NPHP1: variants seen among roughly 807,000 people sequenced by gnomAD.
The protein encoded by NPHP1 is nephrocystin 1, also known as nephrocystin-1.
NPHP1 carries 70 observed loss-of-function variants against 90.4 expected under a neutral mutation model. The observed-to-expected ratio is 0.77, with a 90% CI of 0.64 to 0.95. The LOEUF (loss-of-function observed/expected upper bound fraction) is 0.95. Ranked by LOEUF, NPHP1 falls within the 40% of genes least tolerant of loss-of-function variation. The probability of loss-of-function intolerance (pLI) is 0.00; values close to 1 mark genes in which losing one functional copy is unlikely to be tolerated. For missense variants in NPHP1, 764 were observed against 795.9 expected, an observed-to-expected ratio of 0.96 and a Z score of 0.48; for synonymous variants, 256 against 271.7, an observed-to-expected ratio of 0.94 and a Z score of 0.57.
intron 11 of NPHP1, among the ~76,000 whole-genome samples, chr2:110,153,553 A>G (rs547101322): frequency 1.1e-3 from 171 of 152,320 alleles, no homozygotes; most frequent in Admixed American, 2.9e-3. Context: ...CATCACTCCA[A>G]CTGGAATGTT....
intron 9 of NPHP1, among the ~76,000 whole-genome samples, chr2:110,161,904 T>A (rs1461914462): frequency 6.6e-6 from 1 of 152,078 alleles, no homozygotes; most frequent in Non-Finnish European, 1.5e-5. Context: ...ACATAAAAGA[T>A]CATCTTAAAG....
chr2:110,148,001 A>C lies in NPHP1; in HGVS notation c.1184T>G (p.Leu395Arg). The change falls in exon 13 of 20, where the codon CTT becomes CGT. Residue 395 changes from leucine (L) to arginine (R), a missense_variant. Physicochemically the swap from Leu to Arg is moderately radical, Grantham distance 102. Coordinates refer to ENST00000445609, the MANE Select transcript of NPHP1 (RefSeq NM_001128178.3). ...PQVTRILPCLLDGDCFIRSNS... is the reference protein window; with the variant it reads ...PQVTRILPCLRDGDCFIRSNS... ...AGACCTGATAAAGCAATCACCATCA[A>C]GCAAACATGGTAAGATGCGAGTAAC... The C allele has an allele frequency of 6.8e-6, 11 of 1,608,592 alleles. No homozygotes were observed. The highest frequency in any genetic ancestry group is 8.5e-6 in the Non-Finnish European group (10 of 1,174,876).
chr2:110,161,209 A>G (rs1682296095), intron 10 of NPHP1, among the ~76,000 whole-genome samples: 1 of 152,148 alleles, frequency 6.6e-6, no homozygotes, highest in Non-Finnish European at 1.5e-5. Flanking sequence ...AATGATAATA[A>G]TGGCTAACAT....
intron 16 of NPHP1, among the ~76,000 whole-genome samples, chr2:110,140,098 C>T (rs908945942): frequency 4.6e-5 from 7 of 151,878 alleles, no homozygotes; most frequent in African/African-American, 9.7e-5. Context: ...GGTTTCTGTG[C>T]GAGCCAGCCT....
chr2:110,135,788 T>C (rs1022149247), intron 16 of NPHP1, among the ~76,000 whole-genome samples: 2 of 152,200 alleles, frequency 1.3e-5, no homozygotes, highest in Non-Finnish European at 2.9e-5. Flanking sequence ...TTACTTTTTG[T>C]AAATTAATCC....
intron 8 of NPHP1, chr2:110,163,692 ACT>A: frequency 6.3e-6 from 1 of 158,992 alleles, no homozygotes; most frequent in South Asian, 1.8e-4. Flanking sequence ...ACGGAGTCTC[ACT>A]CTGTCGCCCA....
intron 2 of NPHP1, among the ~76,000 whole-genome samples, chr2:110,188,012 A>C (rs1559098291): frequency 6.6e-6 from 1 of 152,208 alleles, no homozygotes; most frequent in Non-Finnish European, 1.5e-5. Context: ...GAAGGAATAT[A>C]CCTCAAAATA....
At chr2:110,177,037 A>G (rs1299915514) in intron 4 of NPHP1, among the ~76,000 whole-genome samples, 4 of 152,142 alleles carry the variant, frequency 2.6e-5, no homozygotes, top group Admixed American at 2.0e-4. Flanking sequence ...TCAGTCGAGT[A>G]AGACTACTAT....
intron 2 of NPHP1, among the ~76,000 whole-genome samples, chr2:110,195,488 C>T (rs9807986): frequency 0.077 from 11,727 of 152,098 alleles, 676 homozygotes; most frequent in African/African-American, 0.17. Flanking sequence ...CAAACCACTG[C>T]TCAATGAAAT....
intron 17 of NPHP1, among the ~76,000 whole-genome samples, chr2:110,131,466 T>G (rs913945453): frequency 5.9e-5 from 9 of 152,176 alleles, no homozygotes; most frequent in African/African-American, 2.2e-4. Context: ...TGAAAATACA[T>G]ATGTTTGAAA....
Position 110,163,063 on chromosome 2 carries a change from G to GT in NPHP1, c.843dup (p.Gln282ThrfsTer39), listed in dbSNP as rs1682462329. The GT allele has an allele frequency of 1.2e-6, 2 of 1,612,400 alleles. No individual in the cohort carries two copies. The highest frequency in any genetic ancestry group is 1.3e-5 in the African/African-American group (1 of 74,878). On this transcript the variant is annotated frameshift_variant, in exon 9 of 20. Coordinates refer to ENST00000445609, the MANE Select transcript of NPHP1 (RefSeq NM_001128178.3). LOFTEE classifies it high-confidence loss of function. ...CACGCATTACCTTCCTCCAGAAGCTGTGAGAGCGTGGAAGGCCTGAACCCT... is the reference window on the plus strand; with the variant it reads ...CACGCATTACCTTCCTCCAGAAGCTGTTGAGAGCGTGGAAGGCCTGAACCCT...
intron 11 of NPHP1, among the ~76,000 whole-genome samples, chr2:110,158,171 T>C (rs1682046107): frequency 6.6e-6 from 1 of 152,158 alleles, no homozygotes; most frequent in Admixed American, 6.5e-5. Flanking sequence ...CCATATATTA[T>C]ATGATTCCAA....
chr2:110,178,127 T>C (rs991391458), intron 4 of NPHP1: 8 of 461,632 alleles, frequency 1.7e-5, no homozygotes, highest in African/African-American at 8.0e-5. Context: ...CACATCAACA[T>C]TGACATTAAA....
chr2:110,135,880 A>G (rs1480407060), intron 16 of NPHP1, among the ~76,000 whole-genome samples: 1 of 152,210 alleles, frequency 6.6e-6, no homozygotes, highest in African/African-American at 2.4e-5. Flanking sequence ...CTGTTGGAAG[A>G]GAACAGGATG....
chr2:110,168,426 A>G, intron 6 of NPHP1, 26 bp downstream of exon 6: 2 of 1,445,388 alleles, frequency 1.4e-6, no homozygotes, highest in South Asian at 2.4e-5. Flanking sequence ...AAGTCTTAGA[A>G]AAGGAAGGCA....
chr2:110,170,054 G>C (rs1683014343), intron 4 of NPHP1, 56 bp from the exon 5 acceptor site: 4 of 1,606,580 alleles, frequency 2.5e-6, no homozygotes, highest in Non-Finnish European at 3.4e-6. Context: ...GAACAGACCA[G>C]CTATGAGTGT....
intron 9 of NPHP1, among the ~76,000 whole-genome samples, chr2:110,162,005 C>A (rs748984108): frequency 4.6e-5 from 7 of 152,038 alleles, no homozygotes; most frequent in Non-Finnish European, 1.0e-4. Context: ...AATCTATGAG[C>A]ACTTTTTGGA....
chr2:110,180,630 T>C (rs751308494), intron 2 of NPHP1, among the ~76,000 whole-genome samples: 9 of 151,994 alleles, frequency 5.9e-5, no homozygotes, highest in Non-Finnish European at 1.3e-4. Context: ...ATCCAGGTTC[T>C]CACATTGAGA....
At chr2:110,178,642 A>C in intron 3 of NPHP1, 95 bp from the exon 4 acceptor site, 1 of 1,106,548 alleles carries the variant, frequency 9.0e-7, no homozygotes, top group Non-Finnish European at 1.3e-6. Flanking sequence ...GCTATATAAC[A>C]AAGTAAATAT....
Sources: gnomAD v4.1 joint callset for allele counts (sites outside exome capture counted in the v4.1 genomes callset) on GRCh38, gnomAD v4.1.1 for gene constraint, MANE v1.5 for transcripts, NCBI Gene and HGNC (gene_info 2026-07-23, HGNC 2026-07-21) for gene names.